Variants in PLA2G4A observed in about 807,000 individuals in gnomAD.
PLA2G4A encodes the protein cytosolic phospholipase A2.
A neutral mutation model predicts 81.9 loss-of-function variants in PLA2G4A; 40 were observed. That is an observed-to-expected ratio of 0.49 (90% CI 0.38 to 0.64). The LOEUF (loss-of-function observed/expected upper bound fraction) is 0.64. PLA2G4A is among the 30% of genes least tolerant of loss of function. PLA2G4A has a pLI of 0.00. For synonymous variants in PLA2G4A, 302 were observed against 296.9 expected (o/e 1.02, Z -0.18); for missense variants, 715 against 905.1 (o/e 0.79, Z 2.69).
chr1:186,910,773 A>G (rs953226882), intron 6 of PLA2G4A, among the ~76,000 whole-genome samples: 1 of 152,164 alleles, frequency 6.6e-6, no homozygotes, highest in African/African-American at 2.4e-5. Context: ...TCCATTAGAC[A>G]AGGCAATTAA....
At chr1:186,965,301 G>A (rs1454529588) in intron 14 of PLA2G4A, 108 bp from the exon 15 acceptor site, 1 of 808,118 alleles carries the variant, frequency 1.2e-6, no homozygotes, top group Non-Finnish European at 2.1e-6. Context: ...CAAAGCCTGA[G>A]GGCCTAATCA....
chr1:186,836,773 A>G (rs1232002884), intron 1 of PLA2G4A, among the ~76,000 whole-genome samples: 2 of 152,352 alleles, frequency 1.3e-5, no homozygotes, highest in South Asian at 2.1e-4. Context: ...ACCTGGGTGA[A>G]TAAAGCAGGT....
At chr1:186,868,681 A>G (rs1653125495) in intron 2 of PLA2G4A, among the ~76,000 whole-genome samples, 1 of 152,182 alleles carries the variant, frequency 6.6e-6, no homozygotes, top group Non-Finnish European at 1.5e-5. Context: ...TTGTAAGGTT[A>G]TTAATTGTTG....
chr1:186,865,700 T>G (rs1653002507), intron 2 of PLA2G4A, among the ~76,000 whole-genome samples: 1 of 152,192 alleles, frequency 6.6e-6, no homozygotes, highest in Non-Finnish European at 1.5e-5. Context: ...TATTTTATGA[T>G]TGTTTCTTTG....
intron 7 of PLA2G4A, among the ~76,000 whole-genome samples, chr1:186,929,786 G>T (rs1655673587): frequency 6.6e-6 from 1 of 152,194 alleles, no homozygotes; most frequent in South Asian, 2.1e-4. Flanking sequence ...TATAGGCCCA[G>T]TGTGGTAGCC....
At chr1:186,962,877 C>T (rs1050022758) in intron 14 of PLA2G4A, among the ~76,000 whole-genome samples, 18 of 152,136 alleles carry the variant, frequency 1.2e-4, no homozygotes, top group Admixed American at 1.0e-3. Flanking sequence ...TTAGTCATGC[C>T]ACTTTCTAAA....
chr1:186,936,807 A>G (rs1471375400), intron 8 of PLA2G4A, among the ~76,000 whole-genome samples: 1 of 151,976 alleles, frequency 6.6e-6, no homozygotes, highest in Non-Finnish European at 1.5e-5. Context: ...GAGGTGTCTT[A>G]TCATATAAAT....
rs750029106 is a variant in PLA2G4A, at chr1:186,863,388, T to C, written c.34-7047T>C. ...TTGACACATAGTAATTATATATATTTATGGGGTACAGTATGATGTTCCATT... is the reference window on the plus strand; with the variant it reads ...TTGACACATAGTAATTATATATATTCATGGGGTACAGTATGATGTTCCATT... On this transcript the variant is annotated intron_variant, in intron 2 of 17. Coordinates refer to ENST00000367466, the MANE Select transcript of PLA2G4A (RefSeq NM_024420.3). 3.5e-4 allele frequency among the ~76,000 whole-genome samples: 53 copies of C among 152,228 alleles called. 1 individual carries two copies. The highest frequency in any genetic ancestry group is 1.0e-3 in the South Asian group (5 of 4,826).
At chr1:186,890,723 A>T (rs1430894281) in intron 3 of PLA2G4A, among the ~76,000 whole-genome samples, 1 of 151,920 alleles carries the variant, frequency 6.6e-6, no homozygotes, top group Admixed American at 6.6e-5. Context: ...GCATAGTGGC[A>T]TGTGCCTGTA....
intron 14 of PLA2G4A, among the ~76,000 whole-genome samples, chr1:186,962,624 C>G (rs1352787411): frequency 6.6e-6 from 1 of 152,058 alleles, no homozygotes; most frequent in Non-Finnish European, 1.5e-5. Context: ...CGAGTTCACG[C>G]CATTCTCCTG....
intron 14 of PLA2G4A, among the ~76,000 whole-genome samples, chr1:186,964,675 T>C (rs1200675576): frequency 6.6e-6 from 1 of 152,246 alleles, no homozygotes; most frequent in Non-Finnish European, 1.5e-5. Flanking sequence ...GTGTCCTTGA[T>C]CATTTTCTTC....
chr1:186,899,133 G>A (rs1178506197), intron 5 of PLA2G4A, among the ~76,000 whole-genome samples: 1 of 152,166 alleles, frequency 6.6e-6, no homozygotes, highest in African/African-American at 2.4e-5. Context: ...CAGAGAATGG[G>A]GCAGTGTGTA....
At chr1:186,939,884 G>A in intron 9 of PLA2G4A, 96 bp from the exon 10 acceptor site, 1 of 701,470 alleles carries the variant, frequency 1.4e-6, no homozygotes, top group Non-Finnish European at 2.6e-6. Flanking sequence ...TTATTATAAA[G>A]TTATAAGATT....
intron 7 of PLA2G4A, among the ~76,000 whole-genome samples, chr1:186,916,718 G>T (rs751070174): frequency 1.2e-4 from 18 of 152,106 alleles, no homozygotes; most frequent in Non-Finnish European, 2.5e-4. Flanking sequence ...TACCTGTACT[G>T]AGTGTCATTA....
rs543813328 is a variant in PLA2G4A at position 186,984,719 on chromosome 1, A to G, written c.2119-3658A>G. Among the ~76,000 whole-genome samples the G allele has an allele frequency of 7.0e-4, 107 of 152,316 alleles. 1 individual carries two copies. The highest frequency in any genetic ancestry group is 2.5e-3 in the African/African-American group (102 of 41,580). On this transcript the variant is annotated intron_variant, in intron 17 of 17. Transcript: ENST00000367466. ...TTAGTCCATAACTCATCTATTTTTA[A>G]TGCTGCCTATGATCTCTTTCTGGTC...
chr1:186,905,450 A>G (rs1039502027), intron 5 of PLA2G4A, among the ~76,000 whole-genome samples: 2 of 151,976 alleles, frequency 1.3e-5, no homozygotes, highest in Admixed American at 1.3e-4. Flanking sequence ...TCTAAATTGC[A>G]TTGTCTGTTT....
intron 6 of PLA2G4A, among the ~76,000 whole-genome samples, chr1:186,908,351 A>C (rs1198220795): frequency 6.6e-6 from 1 of 151,944 alleles, no homozygotes; most frequent in East Asian, 1.9e-4. Flanking sequence ...CTTTTTTAAA[A>C]ATTATATATA....
chr1:186,971,894 A>G (rs768638463), intron 15 of PLA2G4A, among the ~76,000 whole-genome samples: 33 of 152,152 alleles, frequency 2.2e-4, no homozygotes, highest in Non-Finnish European at 4.3e-4. Context: ...GTAATTAAAT[A>G]GCAAATAATT....
chr1:186,984,344 C>G (rs1359088053), intron 17 of PLA2G4A, among the ~76,000 whole-genome samples: 1 of 152,062 alleles, frequency 6.6e-6, no homozygotes, highest in Non-Finnish European at 1.5e-5. Context: ...TTTTCTAGGA[C>G]CTGTTAATTT....
Sources: gnomAD v4.1 joint callset for allele counts (sites outside exome capture counted in the v4.1 genomes callset) on GRCh38, gnomAD v4.1.1 for gene constraint, MANE v1.5 for transcripts, NCBI Gene and HGNC (gene_info 2026-07-23, HGNC 2026-07-21) for gene names.